GLIS3: variants seen among roughly 807,000 people sequenced by gnomAD.
The protein encoded by GLIS3 is GLIS family zinc finger 3.
A neutral mutation model predicts 78.6 loss-of-function variants in GLIS3; 53 were observed. The ratio of observed to expected loss-of-function variants is 0.67; its 90% CI spans 0.54 to 0.85. GLIS3 has a LOEUF of 0.85. GLIS3 is among the 40% of genes least tolerant of loss of function. The pLI is 0.00. For synonymous variants in GLIS3, 684 were observed against 509.9 expected (o/e 1.34, Z -4.60); for missense variants, 1,703 against 1,231.1 (o/e 1.38, Z -5.74).
At chr9:4,274,051 C>T (rs905379000) in intron 2 of GLIS3, among the ~76,000 whole-genome samples, 5 of 152,108 alleles carry the variant, frequency 3.3e-5, no homozygotes, top group African/African-American at 1.2e-4. Context: ...CTAGACTCTG[C>T]CCATTTGTGA....
At chr9:4,459,782 C>T in the GLIS3 span, among the ~76,000 whole-genome samples, 1 of 151,982 alleles carries the variant, frequency 6.6e-6, no homozygotes, top group Admixed American at 6.5e-5. Context: ...GCACTCTAGA[C>T]TGGGCAACAG....
At position 3,827,861 on chromosome 9, in the gene GLIS3, G is replaced by A; in HGVS notation, c.*411C>T. On this transcript the variant is annotated 3_prime_UTR_variant, in exon 11 of 11. Coordinates refer to ENST00000381971, the MANE Select transcript of GLIS3 (RefSeq NM_001042413.2). ...AGCAGCAAGGGTGAGGATTAGGTGA[G>A]GCAGGTCACTATGCCTCTCGTAATT... The A allele has an allele frequency of 3.4e-6, 1 of 297,712 alleles. No individual in the cohort carries two copies. The highest frequency in any genetic ancestry group is 3.3e-5 in the South Asian group (1 of 30,102). 18.4% of individuals were successfully genotyped at this position (297,712 alleles called of 1,614,324 possible).
intron 2 of GLIS3, among the ~76,000 whole-genome samples, chr9:4,218,814 C>T (rs1563775522): frequency 6.6e-6 from 1 of 152,222 alleles, no homozygotes; most frequent in Non-Finnish European, 1.5e-5. Flanking sequence ...CACAAGAGCT[C>T]TTCACTTCCC....
chr9:4,109,784 T>A (rs1831060486), intron 4 of GLIS3, among the ~76,000 whole-genome samples: 1 of 152,224 alleles, frequency 6.6e-6, no homozygotes, highest in Non-Finnish European at 1.5e-5. Flanking sequence ...ACCATCAAAC[T>A]ACTTGAGAAT....
At chr9:3,925,401 C>CA (rs1329211017) in intron 6 of GLIS3, among the ~76,000 whole-genome samples, 1 of 152,124 alleles carries the variant, frequency 6.6e-6, no homozygotes, top group Non-Finnish European at 1.5e-5. Flanking sequence ...GTACTGAGTA[C>CA]AGCAGGTCCT....
intron 4 of GLIS3, among the ~76,000 whole-genome samples, chr9:4,052,047 T>A (rs910193692): frequency 6.6e-5 from 10 of 152,234 alleles, no homozygotes; most frequent in Admixed American, 2.0e-4. Flanking sequence ...TGTTCACTTC[T>A]AAATAATTTG....
chr9:4,094,897 A>G lies in GLIS3; in HGVS notation c.1710+22871T>C, dbSNP rs564952475. 4.1e-3 allele frequency among the ~76,000 whole-genome samples: 496 copies of G among 120,568 alleles called. 1 individual carries two copies. The highest frequency in any genetic ancestry group is 7.4e-3 in the Non-Finnish European group (365 of 49,310). The allele number at this position is 120,568 out of a possible 152,430, so 79.1% of individuals were successfully genotyped here. A position where few individuals can be genotyped will look rare whatever the true frequency, so the allele number is the denominator to read the frequency against. On this transcript the variant is annotated intron_variant, in intron 4 of 10. Transcript: ENST00000381971. ...GAAGTATTTTTAATTGCTTAATTTT[A>G]TTTTTATTTAACATAATAATTGTAC...
rs991466642 is a variant in GLIS3 at position 3,921,308 on chromosome 9, C to T, written c.1983+11052G>A. ...TACATTCTGCAGTTTGGATTTTTCA[C>T]TAAGTCCATTCACAGGCATGGTCTC... On this transcript the variant is annotated intron_variant, in intron 6 of 10. Coordinates refer to ENST00000381971, the MANE Select transcript of GLIS3 (RefSeq NM_001042413.2). Among the ~76,000 whole-genome samples the T allele has an allele frequency of 2.0e-5, 3 of 152,226 alleles. No homozygotes were observed. The South Asian group carries it at 6.2e-4, about 31-fold the overall frequency.
intron 4 of GLIS3, among the ~76,000 whole-genome samples, chr9:3,988,568 C>A (rs528445894): frequency 2.6e-5 from 4 of 152,084 alleles, no homozygotes; most frequent in African/African-American, 9.6e-5. Context: ...ATACATAGAT[C>A]GATTGAACAG....
chr9:4,419,390 C>T, the GLIS3 span, among the ~76,000 whole-genome samples: 1 of 152,096 alleles, frequency 6.6e-6, no homozygotes, highest in Non-Finnish European at 1.5e-5. Context: ...AGCATAATTC[C>T]GGCATCTGCT....
chr9:3,924,831 A>C (rs576200265), intron 6 of GLIS3, among the ~76,000 whole-genome samples: 62 of 152,330 alleles, frequency 4.1e-4, no homozygotes, highest in African/African-American at 1.4e-3. Context: ...AAACACTTTT[A>C]TTCCAAAATG....
At chr9:4,348,558 G>A (rs998485740), upstream of GLIS3, among the ~76,000 whole-genome samples, 1 of 152,218 alleles carries the variant, frequency 6.6e-6, no homozygotes, top group African/African-American at 2.4e-5. Context: ...CAAGGAGGCT[G>A]GGAGATGTGA....
At chr9:3,915,656 C>A (rs919216111) in intron 6 of GLIS3, among the ~76,000 whole-genome samples, 3 of 152,150 alleles carry the variant, frequency 2.0e-5, no homozygotes, top group Admixed American at 1.3e-4. Flanking sequence ...TGCAAATGCT[C>A]CAGCCTTCAT....
chr9:4,440,569 TG>T, the GLIS3 span, among the ~76,000 whole-genome samples: 1 of 152,208 alleles, frequency 6.6e-6, no homozygotes, highest in Non-Finnish European at 1.5e-5. Flanking sequence ...TTAGCTTTGT[TG>T]TATATTTTTA....
At chr9:4,372,554 T>TAA in the GLIS3 span, among the ~76,000 whole-genome samples, 3,623 of 137,908 alleles carry the variant, frequency 0.026, 127 homozygotes, top group East Asian at 0.13. Context: ...GACCCTCCAA[T>TAA]AAAAAAAAAA....
intron 4 of GLIS3, among the ~76,000 whole-genome samples, chr9:4,089,709 C>T (rs1044480409): frequency 6.6e-6 from 1 of 151,994 alleles, no homozygotes; most frequent in African/African-American, 2.4e-5. Flanking sequence ...ATCTCAGCTA[C>T]TTGGGAGGCT....
chr9:4,188,195 T>C lies in GLIS3; in HGVS notation c.389-62254A>G, dbSNP rs9696841. Among the ~76,000 whole-genome samples the C allele has an allele frequency of 9.5e-3, 1,444 of 151,828 alleles. 22 individuals carry two copies. The highest frequency in any genetic ancestry group is 0.034 in the African/African-American group (1,392 of 41,438). On this transcript the variant is annotated intron_variant, in intron 2 of 10. Transcript: ENST00000381971. Reference sequence around the variant, plus strand: ...CATCAATACCTAATTTATTGAGACGTTTTAGCATGAAGGGTTGTTGAATTT... The same window carrying C: ...CATCAATACCTAATTTATTGAGACGCTTTAGCATGAAGGGTTGTTGAATTT...
chr9:4,249,508 G>A (rs1283347870), intron 2 of GLIS3, among the ~76,000 whole-genome samples: 1 of 152,166 alleles, frequency 6.6e-6, no homozygotes, highest in South Asian at 2.1e-4. Flanking sequence ...TCAGCTTAAG[G>A]AGGTTTGGGG....
At chr9:4,226,360 G>A (rs1052208634) in intron 2 of GLIS3, among the ~76,000 whole-genome samples, 3 of 152,208 alleles carry the variant, frequency 2.0e-5, no homozygotes, top group Admixed American at 1.3e-4. Flanking sequence ...TTCATACTCA[G>A]TATTTCGCAT....
Sources: allele counts gnomAD v4.1 joint callset (sites outside exome capture counted in the v4.1 genomes callset), GRCh38; gene constraint gnomAD v4.1.1; transcripts MANE v1.5; gene names NCBI Gene and HGNC (gene_info 2026-07-23, HGNC 2026-07-21).